GABBR2: variants seen among roughly 807,000 people sequenced by gnomAD.
GABBR2 encodes the protein gamma-aminobutyric acid type B receptor subunit 2, also known as G-protein coupled receptor 51.
In GABBR2, 23 loss-of-function variants were observed where a neutral mutation model predicts 105.6. That is an observed-to-expected ratio of 0.22 (90% CI 0.16 to 0.31). The LOEUF is 0.31. GABBR2 is among the 10% of genes least tolerant of loss of function. GABBR2 has a pLI of 1.00. For synonymous variants in GABBR2, 478 were observed against 499.7 expected, an observed-to-expected ratio of 0.96 and a Z score of 0.58; for missense variants, 734 against 1,245.5, an observed-to-expected ratio of 0.59 and a Z score of 6.18.
At position 98,548,387 on chromosome 9, in the gene GABBR2, A is replaced by G. The variant is rs1258469049; in HGVS notation, c.460-6344T>C. Among the ~76,000 whole-genome samples the G allele has an allele frequency of 2.5e-5, 3 of 118,610 alleles. 1 individual carries two copies. Among genetic ancestry groups the G allele is most frequent in the Admixed American group, 1.9e-4 (2 of 10,458 alleles). The allele number at this position is 118,610 out of a possible 152,430, so 77.8% of individuals were successfully genotyped here. On this transcript the variant is annotated intron_variant, in intron 2 of 18. Transcript: ENST00000259455. ...CATCATCTTTTACCCTCAGTGCCCA[A>G]TTTTCTAATACTCTAGATCAACACA...
Position 98,668,064 on chromosome 9 carries a change from AG to A in GABBR2, c.321+40352del, listed in dbSNP as rs773627877. ...CGCCCTGAAGGGCCATTACAGCTCC[AG>A]GGCTCTCCCTGGGATCAGCAACAGC... On this transcript the variant is annotated intron_variant, in intron 1 of 18. Transcript: ENST00000259455. 7.9e-5 allele frequency among the ~76,000 whole-genome samples: 12 copies of A among 152,362 alleles called. No homozygotes were observed. The East Asian group carries it at 9.7e-4, about 12-fold the overall frequency.
At chr9:98,685,324 T>C (rs1830607031) in intron 1 of GABBR2, among the ~76,000 whole-genome samples, 1 of 152,364 alleles carries the variant, frequency 6.6e-6, no homozygotes, top group Admixed American at 6.5e-5. Flanking sequence ...CTTTTGAGGT[T>C]TGGGGACACA....
At chr9:98,403,755 AAAT>A (rs201814889) in intron 8 of GABBR2, among the ~76,000 whole-genome samples, 2,197 of 141,312 alleles carry the variant, frequency 0.016, 59 homozygotes, top group East Asian at 0.11. Context: ...AGAAAAAAAA[AAAT>A]ATATATATAT....
chr9:98,437,809 C>T (rs897434929), intron 7 of GABBR2, among the ~76,000 whole-genome samples: 11 of 151,680 alleles, frequency 7.3e-5, no homozygotes, highest in African/African-American at 2.2e-4. Context: ...CCTACCCACA[C>T]GTCCATCCAT....
At chr9:98,581,486 AAAGG>A (rs1463007825) in intron 1 of GABBR2, among the ~76,000 whole-genome samples, 2 of 148,430 alleles carry the variant, frequency 1.3e-5, no homozygotes, top group African/African-American at 2.5e-5. Flanking sequence ...AGGAAGGAGG[AAAGG>A]AAGGAAGAGA....
intron 13 of GABBR2, among the ~76,000 whole-genome samples, chr9:98,322,924 C>T (rs748359683): frequency 1.3e-5 from 2 of 152,102 alleles, no homozygotes; most frequent in African/African-American, 2.4e-5. Context: ...TCTGTACTTC[C>T]TCTGACCCCC....
chr9:98,625,371 G>A (rs2131824536), intron 1 of GABBR2, among the ~76,000 whole-genome samples: 1 of 152,344 alleles, frequency 6.6e-6, no homozygotes. Context: ...TGTGGAAACT[G>A]TTCCCTGTCC....
At chr9:98,578,610 G>A (rs1170532779) in intron 1 of GABBR2, among the ~76,000 whole-genome samples, 1 of 152,094 alleles carries the variant, frequency 6.6e-6, no homozygotes, top group Non-Finnish European at 1.5e-5. Flanking sequence ...ACCTCTAGAC[G>A]TATACCCAAA....
At chr9:98,464,828 G>A (rs1017371550) in intron 6 of GABBR2, among the ~76,000 whole-genome samples, 18 of 151,992 alleles carry the variant, frequency 1.2e-4, no homozygotes, top group African/African-American at 4.3e-4. Flanking sequence ...CCCCAACCCC[G>A]TGCTCTCTGA....
chr9:98,591,989 G>A (rs1185931974), intron 1 of GABBR2, among the ~76,000 whole-genome samples: 1 of 152,228 alleles, frequency 6.6e-6, no homozygotes, highest in Non-Finnish European at 1.5e-5. Flanking sequence ...CCCAGGAAAA[G>A]TTGATTCCTC....
At chr9:98,708,307 C>G in intron 1 of GABBR2, 110 bp downstream of exon 1, 1 of 1,144,914 alleles carries the variant, frequency 8.7e-7, no homozygotes, top group Non-Finnish European at 1.1e-6. Context: ...CCTCGGCAGG[C>G]GCGGGCCGGT....
intron 9 of GABBR2, among the ~76,000 whole-genome samples, chr9:98,393,187 T>TCCATCCATCCATCCATCC (rs1832223152): frequency 7.8e-5 from 3 of 38,494 alleles, no homozygotes; most frequent in Admixed American, 2.6e-4. Context: ...TCCATCCATC[T>TCCATCCATCCATCCATCC]ATCCATCCAC....
At chr9:98,613,000 G>A (rs1348085397) in intron 1 of GABBR2, among the ~76,000 whole-genome samples, 1 of 152,212 alleles carries the variant, frequency 6.6e-6, no homozygotes, top group East Asian at 1.9e-4. Flanking sequence ...ACTGCTACCT[G>A]CTGCCTCAGC....
chr9:98,601,166 G>A (rs941804905), intron 1 of GABBR2, among the ~76,000 whole-genome samples: 3 of 152,090 alleles, frequency 2.0e-5, no homozygotes, highest in Non-Finnish European at 2.9e-5. Flanking sequence ...AAAACAAAAC[G>A]TATCAGAATA....
chr9:98,604,124 C>T (rs982898231), intron 1 of GABBR2, among the ~76,000 whole-genome samples: 3 of 152,164 alleles, frequency 2.0e-5, no homozygotes, highest in South Asian at 4.1e-4. Context: ...GGTAAAATGC[C>T]GCTTCCCAAG....
rs2131892959 is a variant in GABBR2 at position 98,708,544 on chromosome 9, G to T, written c.194C>A (p.Thr65Asn). The T allele has an allele frequency of 3.8e-6, 6 of 1,595,384 alleles. No homozygotes were observed. The highest frequency in any genetic ancestry group is 5.1e-6 in the Non-Finnish European group (6 of 1,174,838). Residue 65 changes from threonine to asparagine, a missense_variant, in exon 1 of 19, where the codon ACC (threonine) becomes AAC (asparagine). Around this residue, in one of 7 missense-constraint regions of GABBR2, gnomAD observed 370 missense variants for 648.9 expected, o/e 0.57. Coordinates refer to ENST00000259455, the MANE Select transcript of GABBR2 (RefSeq NM_005458.8). ...PLSIMGLMPL[T>N]KEVAKGSIGR... ...GATGCTGCCCTTGGCCACCTCCTTGGTGAGCGGCATGAGGCCCATGATGGA... is the reference window on the plus strand; with the variant it reads ...GATGCTGCCCTTGGCCACCTCCTTGTTGAGCGGCATGAGGCCCATGATGGA...
rs1828313350 is a variant in GABBR2, at chr9:98,542,028, T to C, written c.475A>G (p.Thr159Ala). 6.2e-7 allele frequency: 1 copy of C among 1,614,088 alleles called. No individual in the cohort carries two copies. The highest frequency in any genetic ancestry group is 8.5e-7 in the Non-Finnish European group (1 of 1,179,970). Residue 159 changes from threonine to alanine, a missense_variant, in exon 3 of 19, where the codon ACC (threonine) becomes GCC (alanine). This residue lies in a region of GABBR2 where 370 missense variants were observed against 648.9 expected (regional missense o/e 0.57). Transcript: ENST00000259455. ...WNLVQLSFAA[T>A]TPVLADKKKY... is the part of the protein sequence containing the mutation. ...TTCTTATCGGCTAGAACAGGCGTGG[T>C]TGCAGCAAAAGAAAGCTGAAAAACA...
Position 98,324,026 on chromosome 9 carries a change from T to C in GABBR2, c.1894-12821A>G, listed in dbSNP as rs12555703. On this transcript the variant is annotated intron_variant, in intron 13 of 18. Transcript: ENST00000259455. ...AGGTTAGTAGGGCCATCAGCCTCCC[T>C]CACATTTTGCGCAGGAGAATACTAA... Among the ~76,000 whole-genome samples, 683 of 152,260 alleles carry C rather than the reference T, an allele frequency of 4.5e-3. 22 individuals carry two copies. Among genetic ancestry groups the C allele is most frequent in the Admixed American group, 0.041 (621 of 15,302 alleles).
chr9:98,426,362 A>G (rs183294315), intron 7 of GABBR2, among the ~76,000 whole-genome samples: 43 of 152,280 alleles, frequency 2.8e-4, no homozygotes, highest in African/African-American at 1.0e-3. Context: ...CCATTTGCAA[A>G]ATGGTGTGTG....
Sources: allele counts gnomAD v4.1 joint callset (sites outside exome capture counted in the v4.1 genomes callset), GRCh38; gene constraint gnomAD v4.1.1; regional missense constraint gnomAD v4.1.1; transcripts MANE v1.5; gene names NCBI Gene and HGNC (gene_info 2026-07-23, HGNC 2026-07-21).